Variants in TECTA observed in about 807,000 individuals in gnomAD.
TECTA encodes the protein tectorin alpha, also known as alpha-tectorin.
A neutral mutation model predicts 216.8 loss-of-function variants in TECTA; 128 were observed. The observed-to-expected ratio is 0.59, with a 90% confidence interval of 0.51 to 0.68. The LOEUF (loss-of-function observed/expected upper bound fraction) is 0.68. Ranked by LOEUF, TECTA falls within the 30% of genes least tolerant of loss-of-function variation. The probability of loss-of-function intolerance (pLI) is 0.00; values close to 1 mark genes in which losing one functional copy is unlikely to be tolerated. For synonymous variants in TECTA, 1,089 were observed against 1,117.1 expected (o/e 0.97, Z 0.50); for missense variants, 2,551 against 2,786.2 (o/e 0.92, Z 1.90).
chr11:121,104,076 A>C (rs1946370284), intron 2 of TECTA, among the ~76,000 whole-genome samples: 1 of 152,090 alleles, frequency 6.6e-6, no homozygotes, highest in Non-Finnish European at 1.5e-5. Flanking sequence ...ATACCAATTA[A>C]TCTTTCCATA....
chr11:121,150,619 G>A (rs2135112146), intron 12 of TECTA, among the ~76,000 whole-genome samples: 1 of 149,546 alleles, frequency 6.7e-6, no homozygotes, highest in South Asian at 2.1e-4. Context: ...TAACACATAT[G>A]ACATACCACA....
rs1202563409 is a variant in TECTA, at chr11:121,157,631, T to C, written c.4306-210T>C. On this transcript the variant is annotated intron_variant, in intron 13 of 23. Coordinates refer to ENST00000392793, the MANE Select transcript of TECTA (RefSeq NM_005422.4). ...ATTAATAAGTAAGTAAATAAATGCGTGTCAAAACTGCGTATTGTTTGGCGT... is the reference window on the plus strand; with the variant it reads ...ATTAATAAGTAAGTAAATAAATGCGCGTCAAAACTGCGTATTGTTTGGCGT... Among the ~76,000 whole-genome samples the C allele has an allele frequency of 2.0e-5, 3 of 152,180 alleles. No homozygotes were observed. In the East Asian group the frequency reaches 5.8e-4, roughly 29 times the overall value.
rs1200089544 is a variant in TECTA, at chr11:121,137,913, C to A, written c.3434C>A (p.Ala1145Asp). 1 of 1,603,238 alleles carries A rather than the reference C, an allele frequency of 6.2e-7. No individual in the cohort carries two copies. The highest frequency in any genetic ancestry group is 8.5e-7 in the Non-Finnish European group (1 of 1,171,206). ...SDSFPKFVVT[A>D]KNEDRDPSLA... ...TCTTTCCCCAAGTTTGTTGTCACAG[C>A]CAAGAATGAGGACCGGGACCCGTCA... Residue 1145 changes from alanine to aspartate, a missense_variant, in exon 11 of 24, where the codon GCC (alanine) becomes GAC (aspartate). Ala to Asp is a moderately radical substitution (Grantham distance 126). Around this residue, in one of 3 missense-constraint regions of TECTA, gnomAD observed 2,375 missense variants for 2,563.9 expected, o/e 0.93. Transcript: ENST00000392793.
intron 10 of TECTA, among the ~76,000 whole-genome samples, chr11:121,134,092 A>G (rs978173489): frequency 2.0e-5 from 3 of 152,036 alleles, no homozygotes; most frequent in African/African-American, 7.3e-5. Context: ...GTGTCCCTTC[A>G]GCATGCCTCT....
rs1428598791 is a variant in TECTA, at chr11:121,168,765, C to T, written c.5839C>T (p.Arg1947Cys). ...YKNASYKHPY[R>C]QGEVVLTTRD... is the part of the protein sequence containing the mutation. ...AAACGCCTCCTACAAACATCCTTAC[C>T]GCCAGGGTGAAGTAGTGTTGACGAC... is the stretch of plus-strand genomic sequence containing the variant. The change falls in exon 20 of 24, where the codon CGC becomes TGC. Residue 1947 changes from arginine to cysteine, a missense_variant. Coordinates refer to ENST00000392793, the MANE Select transcript of TECTA (RefSeq NM_005422.4). 5.6e-6 allele frequency: 9 copies of T among 1,613,992 alleles called. No homozygotes were observed. Among genetic ancestry groups the T allele is most frequent in the East Asian group, 2.2e-5 (1 of 44,894 alleles).
At chr11:121,169,376 C>T (rs1947089012) in intron 20 of TECTA, among the ~76,000 whole-genome samples, 1 of 152,198 alleles carries the variant, frequency 6.6e-6, no homozygotes, top group African/African-American at 2.4e-5. Context: ...TTACTCACCA[C>T]TGTATGCTTA....
intron 9 of TECTA, 40 bp downstream of exon 9, chr11:121,128,384 C>A (rs1265582463): frequency 1.3e-6 from 2 of 1,584,984 alleles, no homozygotes; most frequent in Admixed American, 3.4e-5. Flanking sequence ...CCTGGTACGT[C>A]CAGCCAGGAG....
chr11:121,190,909 A>G lies in TECTA; in HGVS notation c.*103A>G. The stretch of plus-strand genomic sequence containing the variant: ...AGTCAAAACCTATTTGAAAGTGTCC[A>G]GCATCTCAAAATGATGCCACCTGCC... On this transcript the variant is annotated 3_prime_UTR_variant, in exon 24 of 24. Transcript: ENST00000392793. 1.1e-6 allele frequency: 1 copy of G among 909,062 alleles called. No homozygotes were observed. The highest frequency in any genetic ancestry group is 1.7e-6 in the Non-Finnish European group (1 of 582,958). 56.3% of individuals were successfully genotyped at this position (909,062 alleles called of 1,614,324 possible).
Position 121,162,087 on chromosome 11 carries a change from C to A in TECTA, c.4989C>A (p.Pro1663=). ...TNGMQKRPLA[P]SCNELQFSQY... is the part of the protein sequence containing the mutation. ...TCAGTCTGACCAGACCTCTTGCCCC[C>A]AGCTGCAACGAGCTGCAGTTCTCAC... Residue 1663 remains proline, a synonymous_variant, in exon 16 of 24, where the codon CCC becomes CCA. Coordinates refer to ENST00000392793, the MANE Select transcript of TECTA (RefSeq NM_005422.4). The A allele has an allele frequency of 6.2e-7, 1 of 1,614,116 alleles. No individual in the cohort carries two copies. The highest frequency in any genetic ancestry group is 8.5e-7 in the Non-Finnish European group (1 of 1,180,044).
Position 121,105,301 on chromosome 11 carries a change from G to A in TECTA, c.65-530G>A, listed in dbSNP as rs559224961. 1.3e-5 allele frequency among the ~76,000 whole-genome samples: 2 copies of A among 152,290 alleles called. No individual in the cohort carries two copies. Among genetic ancestry groups the A allele is most frequent in the African/African-American group, 4.8e-5 (2 of 41,552 alleles). Reference sequence around the variant, plus strand: ...CGCCCTCAATCAAGGTCATTCATGGGCCAATTGCTACAAATCCTCTCCTCC... The same window carrying A: ...CGCCCTCAATCAAGGTCATTCATGGACCAATTGCTACAAATCCTCTCCTCC... On this transcript the variant is annotated intron_variant, in intron 2 of 23. Transcript: ENST00000392793. The surrounding 1 kb of genome is among the most constrained non-coding windows in gnomAD (Gnocchi z 5.3).
intron 18 of TECTA, among the ~76,000 whole-genome samples, chr11:121,167,835 T>A (rs1283297776): frequency 6.6e-6 from 1 of 152,210 alleles, no homozygotes; most frequent in African/African-American, 2.4e-5. Flanking sequence ...CTTCCACGGG[T>A]ATTCAAGGTT....
chr11:121,131,192 C>T (rs533536792), intron 10 of TECTA, among the ~76,000 whole-genome samples: 32 of 114,516 alleles, frequency 2.8e-4, no homozygotes, highest in Non-Finnish European at 4.7e-4. Context: ...CCAGCCTGGG[C>T]GACAGAGCAA....
rs575214003 is a variant in TECTA at position 121,131,040 on chromosome 11, C to A, written c.2941+829C>A. On this transcript the variant is annotated intron_variant, in intron 10 of 23. Transcript: ENST00000392793. ...CCATCCTGGCTAACATGGGGAAACCCTGTCTCTACTAAAAATACAAAAAAT... is the reference window on the plus strand; with the variant it reads ...CCATCCTGGCTAACATGGGGAAACCATGTCTCTACTAAAAATACAAAAAAT... Among the ~76,000 whole-genome samples, 20 of 151,636 alleles carry A rather than the reference C, an allele frequency of 1.3e-4. No homozygotes were observed. The South Asian group carries it at 3.9e-3, about 30-fold the overall frequency.
At chr11:121,173,508 G>A (rs7111071) in intron 20 of TECTA, among the ~76,000 whole-genome samples, 19,541 of 105,214 alleles carry the variant, frequency 0.19, 2,137 homozygotes, top group African/African-American at 0.36. Context: ...GTAGATATGC[G>A]GCGTTATTTC....
At position 121,189,790 on chromosome 11, in the gene TECTA, G is replaced by A; in HGVS notation, c.6277G>A (p.Gly2093Arg). The change falls in exon 23 of 24, where the codon GGG becomes AGG. Residue 2093 changes from glycine to arginine, a missense_variant. This residue lies in a region of TECTA where 118 missense variants were observed against 116.4 expected (regional missense o/e 1.01). Transcript: ENST00000392793. Reference protein sequence around the residue: ...KRLDWCEDNGGCEQICTSRVD... With the variant: ...KRLDWCEDNGRCEQICTSRVD... ...GCTGGACTGGTGTGAGGACAATGGA[G>A]GGTGTGAGCAGATTTGCACGAGCCG... 2 of 1,614,072 alleles carry A rather than the reference G, an allele frequency of 1.2e-6. No individual in the cohort carries two copies. Among genetic ancestry groups the A allele is most frequent in the South Asian group, 1.1e-5 (1 of 91,080 alleles).
At chr11:121,135,346 G>C (rs578055588) in intron 10 of TECTA, among the ~76,000 whole-genome samples, 1 of 152,166 alleles carries the variant, frequency 6.6e-6, no homozygotes, top group Non-Finnish European at 1.5e-5. Flanking sequence ...ATTACTCCAC[G>C]TCTGTGTGTT....
intron 6 of TECTA, among the ~76,000 whole-genome samples, chr11:121,116,265 A>G (rs1348692632): frequency 6.6e-6 from 1 of 152,210 alleles, no homozygotes; most frequent in Admixed American, 6.5e-5. Flanking sequence ...GGTCTGTGAG[A>G]GATACCAACT....
intron 10 of TECTA, among the ~76,000 whole-genome samples, chr11:121,133,361 C>T (rs1946693863): frequency 6.6e-6 from 1 of 152,096 alleles, no homozygotes; most frequent in Non-Finnish European, 1.5e-5. Context: ...GTACAGTTTT[C>T]AACCTTAGGA....
At chr11:121,188,390 C>T (rs374668709) in intron 21 of TECTA, among the ~76,000 whole-genome samples, 4 of 152,320 alleles carry the variant, frequency 2.6e-5, no homozygotes, top group African/African-American at 9.6e-5. Flanking sequence ...TGCCAGTTGG[C>T]CTGGTTGAGA....
Sources: allele counts gnomAD v4.1 joint callset (sites outside exome capture counted in the v4.1 genomes callset), GRCh38; gene constraint gnomAD v4.1.1; regional missense constraint gnomAD v4.1.1; non-coding constraint Gnocchi (gnomAD v3.1); transcripts MANE v1.5; gene names NCBI Gene and HGNC (gene_info 2026-07-23, HGNC 2026-07-21).